FANCA: variants seen among roughly 807,000 people sequenced by gnomAD.
The protein encoded by FANCA is FA complementation group A, also known as Fanconi anemia group A protein.
FANCA carries 236 observed loss-of-function variants against 194.3 expected under a neutral mutation model. The observed-to-expected ratio is 1.21, with a 90% confidence interval of 1.09 to 1.35. FANCA has a LOEUF of 1.35. Ranked by LOEUF, FANCA falls within the 40% of genes most tolerant of loss-of-function variation. The pLI, the probability that FANCA is intolerant of heterozygous loss-of-function variation, is 0.00. For missense variants in FANCA, 2,628 were observed against 1,813.9 expected, an observed-to-expected ratio of 1.45 and a Z score of -8.15; for synonymous variants, 1,014 against 715.8, an observed-to-expected ratio of 1.42 and a Z score of -6.65.
intron 27 of FANCA, among the ~76,000 whole-genome samples, chr16:89,765,912 T>C (rs564397985): frequency 6.6e-6 from 1 of 152,336 alleles, no homozygotes; most frequent in East Asian, 1.9e-4. Flanking sequence ...ACTTAATTTA[T>C]CTGGAAAGGG....
chr16:89,740,021 G>A lies in FANCA; in HGVS notation c.3907C>T (p.Leu1303=), dbSNP rs2151714673. 1 of 1,614,178 alleles carries A rather than the reference G, an allele frequency of 6.2e-7. No homozygotes were observed. The highest frequency in any genetic ancestry group is 1.7e-5 in the Admixed American group (1 of 60,022). ...CTCTCTGTCAACTGAAAGAGTGCCAGCCAGGATATCTTCCTCTTCTCTAAA... is the reference window on the plus strand; with the variant it reads ...CTCTCTGTCAACTGAAAGAGTGCCAACCAGGATATCTTCCTCTTCTCTAAA... ...ECLEKRKISW[L]ALFQLTESDL... Residue 1303 remains leucine (L), a synonymous_variant, in exon 39 of 43, where the codon CTG becomes TTG. Coordinates refer to ENST00000389301, the MANE Select transcript of FANCA (RefSeq NM_000135.4).
In FANCA at chr16:89,748,778, G is replaced by C. The variant is rs138826926; in HGVS notation, c.3240-11C>G. Reference sequence around the variant, plus strand: ...AGGCGGAGGAGGATCCTGGAAAGAAGGGGCTGTATTGGTGGCGACAGCACA... The same window carrying C: ...AGGCGGAGGAGGATCCTGGAAAGAACGGGCTGTATTGGTGGCGACAGCACA... On this transcript the variant is annotated splice_polypyrimidine_tract_variant and intron_variant, in intron 32 of 42. Transcript: ENST00000389301. 29 of 1,611,536 alleles carry C rather than the reference G, an allele frequency of 1.8e-5. No homozygotes were observed. In the African/African-American group the frequency reaches 3.7e-4, roughly 21 times the overall value.
rs934850995 is a variant in FANCA, at chr16:89,780,272, T to A, written c.1627-315A>T. On this transcript the variant is annotated intron_variant, in intron 17 of 42. Transcript: ENST00000389301. ...CCTCTTTCCTGCCTCCAGGAAAGAG[T>A]TGAAAGTAAAGATTTCTAGGTGGGA... 2.0e-5 allele frequency among the ~76,000 whole-genome samples: 3 copies of A among 151,884 alleles called. No individual in the cohort carries two copies. In the East Asian group the frequency reaches 5.8e-4, roughly 29 times the overall value.
chr16:89,810,580 C>T (rs1050284868), intron 5 of FANCA, 127 bp downstream of exon 5: 1 of 748,772 alleles, frequency 1.3e-6, no homozygotes, highest in Admixed American at 2.0e-5. Flanking sequence ...CTTTTTCATC[C>T]ACTCTCTGTA....
intron 20 of FANCA, 25 bp downstream of exon 20, chr16:89,778,776 T>A: frequency 2.5e-6 from 4 of 1,607,236 alleles, no homozygotes; most frequent in South Asian, 1.1e-5. Context: ...GAAGTAGTCA[T>A]CCCCTTCTAA....
At chr16:89,783,432 T>C (rs2039789446) in intron 15 of FANCA, among the ~76,000 whole-genome samples, 1 of 151,352 alleles carries the variant, frequency 6.6e-6, no homozygotes, top group Non-Finnish European at 1.5e-5. Context: ...GCACCAGTAG[T>C]CCCAGCTACT....
At chr16:89,744,844 CGA>C in intron 36 of FANCA, 113 bp downstream of exon 36, 1 of 952,278 alleles carries the variant, frequency 1.1e-6, no homozygotes, top group Non-Finnish European at 1.6e-6. Flanking sequence ...CCTGCTCACA[CGA>C]GAGGCTGCCC....
intron 30 of FANCA, among the ~76,000 whole-genome samples, chr16:89,757,929 C>G (rs1468364960): frequency 6.6e-6 from 1 of 152,176 alleles, no homozygotes; most frequent in African/African-American, 2.4e-5. Flanking sequence ...CCAGTCGGCT[C>G]ACTGCAACCT....
intron 28 of FANCA, among the ~76,000 whole-genome samples, chr16:89,763,444 G>A (rs956266734): frequency 4.0e-5 from 6 of 148,826 alleles, no homozygotes; most frequent in Admixed American, 4.0e-4. Context: ...CCAAAGTGCT[G>A]GGATTATAGG....
chr16:89,752,210 A>G lies in FANCA; in HGVS notation c.2994T>C (p.Tyr998=), dbSNP rs758384536. The change falls in exon 31 of 43, where the codon TAT becomes TAC. Residue 998 remains tyrosine (Y), a synonymous_variant. Coordinates refer to ENST00000389301, the MANE Select transcript of FANCA (RefSeq NM_000135.4). ...CCAAATCAGAATTTTCTGAGTGGTCATAACTCCTTGAGCTGAAATGAAAAT... is the reference window on the plus strand; with the variant it reads ...CCAAATCAGAATTTTCTGAGTGGTCGTAACTCCTTGAGCTGAAATGAAAAT... ...LMDFHQSSRS[Y]DHSENSDLVF... is the part of the protein sequence containing the mutation. 3.7e-6 allele frequency: 6 copies of G among 1,613,668 alleles called. No individual in the cohort carries two copies. In the South Asian group the frequency reaches 4.4e-5, roughly 12 times the overall value.
intron 14 of FANCA, among the ~76,000 whole-genome samples, chr16:89,787,967 G>A (rs577680246): frequency 1.4e-4 from 21 of 151,838 alleles, no homozygotes; most frequent in East Asian, 7.8e-4. Context: ...TGCGCGTTCC[G>A]GGTTCAAGGA....
intron 30 of FANCA, among the ~76,000 whole-genome samples, chr16:89,755,373 C>G (rs1333508984): frequency 6.6e-6 from 1 of 152,130 alleles, no homozygotes; most frequent in Admixed American, 6.6e-5. Flanking sequence ...GCCACCATGC[C>G]TGGCTAGTTT....
intron 18 of FANCA, 58 bp from the exon 19 acceptor site, chr16:89,779,061 C>G: frequency 6.5e-7 from 1 of 1,532,120 alleles, no homozygotes; most frequent in Non-Finnish European, 9.0e-7. Flanking sequence ...GCAATTCCCA[C>G]AGACGGTGAC....
chr16:89,754,568 A>C (rs2038708534), intron 30 of FANCA, among the ~76,000 whole-genome samples: 2 of 151,990 alleles, frequency 1.3e-5, no homozygotes, highest in African/African-American at 4.8e-5. Flanking sequence ...ATGGGGTTTC[A>C]CCATGTTGGC....
At chr16:89,745,132 C>A (rs1391246848) in intron 35 of FANCA, 61 bp from the exon 36 acceptor site, 1 of 1,472,752 alleles carries the variant, frequency 6.8e-7, no homozygotes, top group Non-Finnish European at 9.2e-7. Context: ...CTCCGCTGCC[C>A]CAGCCATGAC....
At chr16:89,815,334 GCTTTTTTTTTTTTTTT>G in intron 2 of FANCA, among the ~76,000 whole-genome samples, 1 of 116,494 alleles carries the variant, frequency 8.6e-6, no homozygotes, top group African/African-American at 3.2e-5. Flanking sequence ...ACCACGCCCG[GCTTTTTTTTTTTTTTT>G]TTTTTTTTTT....
rs9796790 is a variant in FANCA, at chr16:89,812,144, G to T, written c.284-1073C>A. Among the ~76,000 whole-genome samples, 269 of 147,616 alleles carry T rather than the reference G, an allele frequency of 1.8e-3. 3 individuals are homozygous for T. The highest frequency in any genetic ancestry group is 0.016 in the Admixed American group (239 of 14,804). The stretch of plus-strand genomic sequence containing the variant: ...AGGTCAGGAGATCGAGACCATCCTG[G>T]CTAACACGGTGAAACCCTGTCTCTA... On this transcript the variant is annotated intron_variant, in intron 3 of 42. Transcript: ENST00000389301.
intron 17 of FANCA, among the ~76,000 whole-genome samples, chr16:89,781,477 T>G (rs892368649): frequency 2.8e-5 from 4 of 143,878 alleles, no homozygotes; most frequent in African/African-American, 1.0e-4. Flanking sequence ...ATTGAGACCA[T>G]CCTGGATAAC....
At chr16:89,774,050 T>A (rs1436495046) in intron 21 of FANCA, among the ~76,000 whole-genome samples, 1 of 152,132 alleles carries the variant, frequency 6.6e-6, no homozygotes, top group African/African-American at 2.4e-5. Context: ...ATTACGGGCA[T>A]GAGCCACTGC....
Sources: gnomAD v4.1 joint callset for allele counts (sites outside exome capture counted in the v4.1 genomes callset) on GRCh38, gnomAD v4.1.1 for gene constraint, MANE v1.5 for transcripts, NCBI Gene and HGNC (gene_info 2026-07-23, HGNC 2026-07-21) for gene names.